The following BANP variants were observed in gnomAD, a reference collection of about 807,000 sequenced individuals.
BANP encodes the protein BTG3 associated nuclear protein.
BANP carries 11 observed loss-of-function variants against 68.1 expected under a neutral mutation model. The observed-to-expected ratio is 0.16, with a 90% confidence interval of 0.10 to 0.27. The LOEUF (loss-of-function observed/expected upper bound fraction) is 0.27. BANP is among the 10% of genes least tolerant of loss of function. The probability of loss-of-function intolerance (pLI) is 1.00; values close to 1 mark genes in which losing one functional copy is unlikely to be tolerated. For synonymous variants in BANP, 329 were observed against 303.2 expected (o/e 1.09, Z -0.88); for missense variants, 504 against 722.7 (o/e 0.70, Z 3.47).
intron 11 of BANP, among the ~76,000 whole-genome samples, chr16:88,056,995 CTG>C (rs1332944668): frequency 6.6e-6 from 1 of 152,208 alleles, no homozygotes; most frequent in African/African-American, 2.4e-5. Context: ...ATTTAAAACT[CTG>C]TAACTCAAAA....
At chr16:87,964,447 G>C (rs79691297) in intron 1 of BANP, among the ~76,000 whole-genome samples, 4 of 19,290 alleles carry the variant, frequency 2.1e-4, no homozygotes, top group South Asian at 1.0e-3. Flanking sequence ...CAGGAGGCGT[G>C]CAGGAGGCGT....
chr16:87,990,875 G>C (rs2065734926), intron 4 of BANP, among the ~76,000 whole-genome samples: 2 of 152,168 alleles, frequency 1.3e-5, no homozygotes, highest in South Asian at 4.1e-4. Flanking sequence ...CCATTCTCCT[G>C]CTTCAGCCTC....
At chr16:88,008,788 C>T (rs544128065) in intron 6 of BANP, among the ~76,000 whole-genome samples, 1 of 152,322 alleles carries the variant, frequency 6.6e-6, no homozygotes, top group South Asian at 2.1e-4. Context: ...TTTTGCTGTA[C>T]AACACAGGTT....
intron 1 of BANP, among the ~76,000 whole-genome samples, chr16:87,970,747 C>G (rs1270046245): frequency 6.6e-6 from 1 of 152,074 alleles, no homozygotes; most frequent in Non-Finnish European, 1.5e-5. Flanking sequence ...CGGCCGGGCG[C>G]GGTGGCTCGG....
At chr16:88,005,427 C>T (rs549311337) in intron 5 of BANP, among the ~76,000 whole-genome samples, 1 of 152,270 alleles carries the variant, frequency 6.6e-6, no homozygotes, top group African/African-American at 2.4e-5. Context: ...TAGCAGTCCA[C>T]GGTAGAGGAT....
chr16:87,979,271 T>C (rs964319849), intron 2 of BANP, among the ~76,000 whole-genome samples: 3 of 152,292 alleles, frequency 2.0e-5, no homozygotes, highest in Middle Eastern at 3.4e-3. Flanking sequence ...CAGAGAGGCC[T>C]GTGCACTTGG....
chr16:87,988,320 A>G (rs768569045), intron 4 of BANP, among the ~76,000 whole-genome samples: 4 of 151,336 alleles, frequency 2.6e-5, no homozygotes, highest in Non-Finnish European at 5.9e-5. Flanking sequence ...CTAGAGTGCA[A>G]TGGCATGATC....
intron 11 of BANP, among the ~76,000 whole-genome samples, chr16:88,047,158 T>TG (rs1429807496): frequency 6.6e-6 from 1 of 151,930 alleles, no homozygotes; most frequent in African/African-American, 2.4e-5. Flanking sequence ...GAGGTGGCAT[T>TG]GTTTGTGTTG....
rs2079441579 is a variant in BANP at position 88,036,663 on chromosome 16, G to A, written c.1272+1269G>A. 6.6e-6 allele frequency among the ~76,000 whole-genome samples: 1 copy of A among 152,162 alleles called. No homozygotes were observed. Among genetic ancestry groups the A allele is most frequent in the Non-Finnish European group, 1.5e-5 (1 of 68,026 alleles). On this transcript the variant is annotated intron_variant, in intron 10 of 13. Coordinates refer to ENST00000682872, the MANE Select transcript of BANP (RefSeq NM_001386991.1). The surrounding 1 kb of genome is among the most constrained non-coding windows in gnomAD (Gnocchi z 4.2). ...AAAGGGGAGGAACGAATTCATGTGG[G>A]GGCCGTGAGCGACTGGGAATGAGTG...
Position 88,008,656 on chromosome 16 carries a change from A to C in BANP, c.655+2391A>C, listed in dbSNP as rs572181257. Among the ~76,000 whole-genome samples, 5 of 152,332 alleles carry C rather than the reference A, an allele frequency of 3.3e-5. No individual in the cohort carries two copies. In the South Asian group the frequency reaches 1.0e-3, roughly 32 times the overall value. ...GATCTGTATCTATAAGGAAAAATACAAATTTTCTTTGTGTCTGAGTTTAAG... is the reference window on the plus strand; with the variant it reads ...GATCTGTATCTATAAGGAAAAATACCAATTTTCTTTGTGTCTGAGTTTAAG... On this transcript the variant is annotated intron_variant, in intron 6 of 13. Transcript: ENST00000682872.
chr16:87,984,118 A>G lies in BANP; in HGVS notation c.221A>G (p.Lys74Arg). 4 of 1,613,688 alleles carry G rather than the reference A, an allele frequency of 2.5e-6. No individual in the cohort carries two copies. Among genetic ancestry groups the G allele is most frequent in the Non-Finnish European group, 3.4e-6 (4 of 1,179,744 alleles). The change falls in exon 4 of 14, where the codon AAA (lysine) becomes AGA (arginine). Residue 74 changes from lysine (K) to arginine (R), a missense_variant. Physicochemically the swap from Lys to Arg is conservative, Grantham distance 26. Coordinates refer to ENST00000682872, the MANE Select transcript of BANP (RefSeq NM_001386991.1). ...ICLRLDSIEA[K>R]LQALEATCKS... Reference sequence around the variant, plus strand: ...TTGCGGTTGGATAGCATTGAAGCCAAATTGCAAGCCCTGGAGGCTACTTGT... The same window carrying G: ...TTGCGGTTGGATAGCATTGAAGCCAGATTGCAAGCCCTGGAGGCTACTTGT...
At chr16:88,008,680 A>G (rs1055228654) in intron 6 of BANP, among the ~76,000 whole-genome samples, 1 of 152,190 alleles carries the variant, frequency 6.6e-6, no homozygotes, top group South Asian at 2.1e-4. Flanking sequence ...TCTGAGTTTA[A>G]GTTTTTTTGA....
chr16:88,019,583 GATCT>G (rs1351018560), intron 7 of BANP, among the ~76,000 whole-genome samples: 8 of 22,158 alleles, frequency 3.6e-4, no homozygotes, highest in African/African-American at 6.8e-4. Flanking sequence ...GGGCGTCCGG[GATCT>G]CGGCGTGCGG....
rs1465001104 is a variant in BANP at position 88,004,150 on chromosome 16, A to G, written c.363-145A>G. 6.1e-6 allele frequency: 4 copies of G among 651,834 alleles called. No homozygotes were observed. The highest frequency in any genetic ancestry group is 1.1e-5 in the Non-Finnish European group (4 of 360,786). The allele number at this position is 651,834 out of a possible 1,614,324, so 40.4% of individuals were successfully genotyped here. A position where few individuals can be genotyped will look rare whatever the true frequency, so the allele number is the denominator to read the frequency against. Reference sequence around the variant, plus strand: ...TTCCCCCTCAGGACGGGTCCCTGGGAGTGGACTATGTTGAATGACTCTTAG... The same window carrying G: ...TTCCCCCTCAGGACGGGTCCCTGGGGGTGGACTATGTTGAATGACTCTTAG... On this transcript the variant is annotated intron_variant, in intron 4 of 13. Transcript: ENST00000682872. The surrounding 1 kb of genome is among the most constrained non-coding windows in gnomAD (Gnocchi z 7.0).
intron 11 of BANP, among the ~76,000 whole-genome samples, chr16:88,044,685 A>G (rs1021799277): frequency 6.6e-6 from 1 of 152,206 alleles, no homozygotes; most frequent in African/African-American, 2.4e-5. Context: ...TAATTTTTAA[A>G]AATTTACAAC....
At chr16:88,070,374 G>A (rs772101353) in intron 12 of BANP, among the ~76,000 whole-genome samples, 3 of 152,136 alleles carry the variant, frequency 2.0e-5, no homozygotes, top group East Asian at 1.9e-4. Flanking sequence ...AGTAGGGGCC[G>A]TCGGGTAAAG....
chr16:87,962,113 G>A (rs2059268046), intron 1 of BANP, among the ~76,000 whole-genome samples: 1 of 151,742 alleles, frequency 6.6e-6, no homozygotes, highest in Non-Finnish European at 1.5e-5. Flanking sequence ...AGTGGCGTGC[G>A]CCTGTAATCC....
intron 4 of BANP, among the ~76,000 whole-genome samples, chr16:87,991,298 C>T (rs1298276435): frequency 6.6e-6 from 1 of 152,180 alleles, no homozygotes; most frequent in Non-Finnish European, 1.5e-5. Context: ...TACATACATA[C>T]AACTTCGGGA....
chr16:88,006,034 G>C (rs955712609), intron 5 of BANP, 56 bp from the exon 6 acceptor site: 2 of 1,610,696 alleles, frequency 1.2e-6, no homozygotes, highest in Admixed American at 3.3e-5. Flanking sequence ...GCTGACCTTC[G>C]CGTGCTGCTT....
Sources: allele counts gnomAD v4.1 joint callset (sites outside exome capture counted in the v4.1 genomes callset), GRCh38; gene constraint gnomAD v4.1.1; non-coding constraint Gnocchi (gnomAD v3.1); transcripts MANE v1.5; gene names NCBI Gene and HGNC (gene_info 2026-07-23, HGNC 2026-07-21).